The following TMEM178B variants were observed in gnomAD, a reference collection of about 807,000 sequenced individuals.
TMEM178B encodes the protein transmembrane protein 178B.
Under a neutral mutation model 31.0 loss-of-function variants are expected in TMEM178B, and 5 were observed. The observed-to-expected ratio is 0.16, with a 90% confidence interval of 0.08 to 0.34. The LOEUF is 0.34. TMEM178B is among the 10% of genes least tolerant of loss of function. The pLI, the probability that TMEM178B is intolerant of heterozygous loss-of-function variation, is 1.00. For missense variants in TMEM178B, 275 were observed against 400.3 expected (o/e 0.69, Z 2.67); for synonymous variants, 164 against 164.0 (o/e 1.00, Z 0.00).
At chr7:141,336,460 CT>C (rs1265620239) in intron 2 of TMEM178B, among the ~76,000 whole-genome samples, 1 of 152,042 alleles carries the variant, frequency 6.6e-6, no homozygotes. Context: ...ACTGCATGGC[CT>C]TGGTCATTCA....
At chr7:141,203,312 G>C (rs919586074) in intron 1 of TMEM178B, among the ~76,000 whole-genome samples, 3 of 152,126 alleles carry the variant, frequency 2.0e-5, no homozygotes, top group African/African-American at 7.2e-5. Flanking sequence ...CAGGCCTCGG[G>C]CTAGAAAGTC....
chr7:141,446,498 T>C (rs1265313423), intron 3 of TMEM178B, among the ~76,000 whole-genome samples: 2 of 152,206 alleles, frequency 1.3e-5, no homozygotes, highest in African/African-American at 4.8e-5. Context: ...TGAAGGCATC[T>C]CAGAGAGTTT....
At chr7:141,234,777 C>T (rs1455176846) in intron 2 of TMEM178B, among the ~76,000 whole-genome samples, 1 of 152,210 alleles carries the variant, frequency 6.6e-6, no homozygotes, top group Non-Finnish European at 1.5e-5. Context: ...GATGAGAGAG[C>T]AGAGGACAGG....
chr7:141,426,558 G>A (rs1394894555), intron 2 of TMEM178B, among the ~76,000 whole-genome samples: 1 of 152,126 alleles, frequency 6.6e-6, no homozygotes, highest in Non-Finnish European at 1.5e-5. Flanking sequence ...TGTTGGCAGA[G>A]AGCACAGTGT....
intron 2 of TMEM178B, among the ~76,000 whole-genome samples, chr7:141,267,822 A>T (rs929301520): frequency 7.9e-5 from 12 of 152,136 alleles, no homozygotes; most frequent in Non-Finnish European, 1.8e-4. Context: ...ACTCCTCATC[A>T]TATAATTGGG....
chr7:141,438,570 C>T (rs1801593700), intron 3 of TMEM178B, among the ~76,000 whole-genome samples: 1 of 151,228 alleles, frequency 6.6e-6, no homozygotes, highest in African/African-American at 2.4e-5. Flanking sequence ...GGGGCCTGGA[C>T]AGAGGGAATT....
chr7:141,170,411 G>A (rs910613758), intron 1 of TMEM178B, among the ~76,000 whole-genome samples: 1 of 152,068 alleles, frequency 6.6e-6, no homozygotes, highest in African/African-American at 2.4e-5. Context: ...GCTCTTCTCA[G>A]TTTTTTATTG....
chr7:141,328,432 A>C (rs1339600899), intron 2 of TMEM178B, among the ~76,000 whole-genome samples: 1 of 152,190 alleles, frequency 6.6e-6, no homozygotes, highest in African/African-American at 2.4e-5. Flanking sequence ...AGGGAGTTCC[A>C]AGCCTAAAAA....
chr7:141,083,616 A>G (rs778146115), intron 1 of TMEM178B, among the ~76,000 whole-genome samples: 4 of 152,232 alleles, frequency 2.6e-5, no homozygotes, highest in African/African-American at 4.8e-5. Context: ...CTCTAAAAAC[A>G]TGTAATAAAA....
At chr7:141,195,796 T>C (rs1796773324) in intron 1 of TMEM178B, among the ~76,000 whole-genome samples, 2 of 152,220 alleles carry the variant, frequency 1.3e-5, no homozygotes, top group Non-Finnish European at 2.9e-5. Context: ...CAGTTCCACA[T>C]GGCTGGGGAG....
At chr7:141,164,755 A>G (rs943104201) in intron 1 of TMEM178B, among the ~76,000 whole-genome samples, 1 of 152,166 alleles carries the variant, frequency 6.6e-6, no homozygotes, top group Non-Finnish European at 1.5e-5. Context: ...AGAGGTTTGC[A>G]ACTAGGAGTT....
intron 2 of TMEM178B, among the ~76,000 whole-genome samples, chr7:141,263,295 T>G (rs974842575): frequency 2.0e-5 from 3 of 152,174 alleles, no homozygotes; most frequent in African/African-American, 7.2e-5. Flanking sequence ...TAATTTCTTC[T>G]CTTGGGCTGA....
At chr7:141,133,147 G>A (rs867915365) in intron 1 of TMEM178B, among the ~76,000 whole-genome samples, 14 of 152,144 alleles carry the variant, frequency 9.2e-5, no homozygotes, top group Middle Eastern at 6.8e-3. Context: ...AGATGTGCAG[G>A]TATTAATGTA....
chr7:141,315,785 G>A (rs541807771), intron 2 of TMEM178B, among the ~76,000 whole-genome samples: 137 of 152,222 alleles, frequency 9.0e-4, no homozygotes, highest in African/African-American at 3.2e-3. Context: ...ACTAGAGTGC[G>A]GAATGAAGTT....
chr7:141,214,172 CCTT>C (rs1242629838), intron 2 of TMEM178B, among the ~76,000 whole-genome samples: 2 of 152,146 alleles, frequency 1.3e-5, no homozygotes, highest in Non-Finnish European at 2.9e-5. Context: ...TAATATAGTC[CCTT>C]CTTAGGAGCC....
At chr7:141,115,602 A>C (rs1010626619) in intron 1 of TMEM178B, among the ~76,000 whole-genome samples, 1 of 152,294 alleles carries the variant, frequency 6.6e-6, no homozygotes, top group East Asian at 1.9e-4. Flanking sequence ...AGGGAGAGAA[A>C]GGGCTAAGAA....
rs140387826 is a variant in TMEM178B, at chr7:141,226,716, G to A, written c.496+14012G>A. ...AAACAAAACAAAACAAAAATTAGCC[G>A]GGCATGGTGGTGCATGCCTATAATC... is the stretch of plus-strand genomic sequence containing the variant. On this transcript the variant is annotated intron_variant, in intron 2 of 3. Transcript: ENST00000565468. 8.9e-3 allele frequency among the ~76,000 whole-genome samples: 1,350 copies of A among 151,904 alleles called. 15 individuals carry two copies. The highest frequency in any genetic ancestry group is 0.031 in the African/African-American group (1,283 of 41,406).
At chr7:141,430,127 C>T (rs560081259) in intron 2 of TMEM178B, 6 of 152,348 alleles carry the variant, frequency 3.9e-5, no homozygotes, top group African/African-American at 1.2e-4. Flanking sequence ...CACCAGCTCC[C>T]TGGGGTGGAT....
intron 2 of TMEM178B, among the ~76,000 whole-genome samples, chr7:141,222,946 T>C (rs561714343): frequency 4.7e-4 from 72 of 152,282 alleles, no homozygotes; most frequent in African/African-American, 1.7e-3. Flanking sequence ...CCAATAAGAA[T>C]GCAATTTAGA....
Sources: gnomAD v4.1 joint callset for allele counts (sites outside exome capture counted in the v4.1 genomes callset) on GRCh38, gnomAD v4.1.1 for gene constraint, MANE v1.5 for transcripts, NCBI Gene and HGNC (gene_info 2026-07-23, HGNC 2026-07-21) for gene names.